Variants in ZNF569 observed in about 807,000 individuals in gnomAD.
ZNF569 encodes DNA-binding protein.
Under a neutral mutation model 56.3 loss-of-function variants are expected in ZNF569, and 38 were observed. The ratio of observed to expected loss-of-function variants is 0.68; its 90% CI spans 0.52 to 0.88. The LOEUF (loss-of-function observed/expected upper bound fraction) is 0.88. ZNF569 is among the 40% of genes least tolerant of loss of function. The pLI is 0.00. For synonymous variants in ZNF569, 241 were observed against 262.9 expected, an observed-to-expected ratio of 0.92 and a Z score of 0.81; for missense variants, 666 against 809.2, an observed-to-expected ratio of 0.82 and a Z score of 2.15.
intron 2 of ZNF569, among the ~76,000 whole-genome samples, chr19:37,449,819 A>G (rs2041563269): frequency 6.6e-6 from 1 of 152,082 alleles, no homozygotes; most frequent in Admixed American, 6.5e-5. Flanking sequence ...TCTTTTATTC[A>G]ATGTGATAAG....
chr19:37,459,845 C>T (rs1241110934), intron 2 of ZNF569, among the ~76,000 whole-genome samples: 3 of 152,020 alleles, frequency 2.0e-5, no homozygotes, highest in Admixed American at 2.0e-4. Context: ...TTGTAAAGTT[C>T]CTGCACTACA....
chr19:37,412,814 A>G lies in ZNF569; in HGVS notation c.1844T>C (p.Phe615Ser). The G allele has an allele frequency of 6.2e-7, 1 of 1,613,968 alleles. No individual in the cohort carries two copies. The highest frequency in any genetic ancestry group is 8.5e-7 in the Non-Finnish European group (1 of 1,179,946). The change falls in exon 6 of 6, where the codon TTC becomes TCC. Residue 615 changes from phenylalanine to serine, a missense_variant. Coordinates refer to ENST00000316950, the MANE Select transcript of ZNF569 (RefSeq NM_152484.3). ...PYECNKCGKA[F>S]SQSSSLTIHI... ...TATAGTAAGGGATGAGCTTTGGGAG[A>G]AGGCTTTTCCACATTTATTACATTC... is the stretch of plus-strand genomic sequence containing the variant.
chr19:37,435,534 C>G (rs1283786557), intron 3 of ZNF569, among the ~76,000 whole-genome samples: 1 of 152,024 alleles, frequency 6.6e-6, no homozygotes, highest in Non-Finnish European at 1.5e-5. Context: ...AATCAAAAGA[C>G]AGAGTGGCTG....
chr19:37,422,784 G>C (rs2041060234), intron 5 of ZNF569, among the ~76,000 whole-genome samples: 1 of 152,122 alleles, frequency 6.6e-6, no homozygotes, highest in Non-Finnish European at 1.5e-5. Context: ...GGGGGGAATA[G>C]AACTTTCACC....
At chr19:37,443,651 A>G (rs377033961) in intron 3 of ZNF569, among the ~76,000 whole-genome samples, 2 of 152,236 alleles carry the variant, frequency 1.3e-5, no homozygotes, top group East Asian at 3.9e-4. Flanking sequence ...AAAGATAATT[A>G]CATAGGGTCA....
intron 3 of ZNF569, among the ~76,000 whole-genome samples, chr19:37,430,598 T>C (rs1206144761): frequency 6.6e-6 from 1 of 151,378 alleles, no homozygotes; most frequent in Non-Finnish European, 1.5e-5. Flanking sequence ...AAAAAAACTA[T>C]CAGAGAGGAA....
At chr19:37,414,763 T>G (rs533763724) in intron 5 of ZNF569, among the ~76,000 whole-genome samples, 103 of 152,136 alleles carry the variant, frequency 6.8e-4, no homozygotes, top group Non-Finnish European at 1.3e-3. Context: ...AACAGGAAGC[T>G]AAAAAGTATA....
At chr19:37,458,667 C>T (rs2041711607) in intron 2 of ZNF569, among the ~76,000 whole-genome samples, 1 of 152,182 alleles carries the variant, frequency 6.6e-6, no homozygotes, top group Non-Finnish European at 1.5e-5. Flanking sequence ...ATGGCAGGGA[C>T]TGGTCATATG....
At chr19:37,466,986 T>A (rs2041852311) in intron 1 of ZNF569, 98 bp downstream of exon 1, 2 of 152,506 alleles carry the variant, frequency 1.3e-5, no homozygotes, top group Admixed American at 6.5e-5. Flanking sequence ...CCGCCCGGCG[T>A]CCTCCTCCAA....
intron 3 of ZNF569, among the ~76,000 whole-genome samples, chr19:37,440,612 A>G (rs2041388778): frequency 6.6e-6 from 1 of 152,240 alleles, no homozygotes; most frequent in African/African-American, 2.4e-5. Flanking sequence ...ATAAGTAAAA[A>G]CAAAGAATTC....
At chr19:37,468,376 G>A (rs1398323097), upstream of ZNF569, among the ~76,000 whole-genome samples, 1 of 152,090 alleles carries the variant, frequency 6.6e-6, no homozygotes, top group African/African-American at 2.4e-5. Context: ...GGCATGAGCC[G>A]CACGGGGCCG....
chr19:37,425,672 C>A (rs539833194), intron 5 of ZNF569, 196 bp downstream of exon 5: 53 of 469,414 alleles, frequency 1.1e-4, no homozygotes, highest in Admixed American at 6.9e-4. Flanking sequence ...ACTATGTTGC[C>A]CAGGCTGGTC....
chr19:37,451,798 C>T lies in ZNF569; in HGVS notation c.-43-6834G>A, dbSNP rs148737079. On this transcript the variant is annotated intron_variant, in intron 2 of 5. Transcript: ENST00000316950. The stretch of plus-strand genomic sequence containing the variant: ...TTGCATGGATCATCTTTTTCCATCC[C>T]GCACCTTCAGCCTATGTGTGCCGTT... 8.5e-5 allele frequency among the ~76,000 whole-genome samples: 13 copies of T among 152,230 alleles called. No homozygotes were observed. The East Asian group carries it at 1.9e-3, about 23-fold the overall frequency.
intron 2 of ZNF569, among the ~76,000 whole-genome samples, chr19:37,453,097 C>T (rs1645799682): frequency 6.6e-6 from 1 of 152,088 alleles, no homozygotes; most frequent in South Asian, 2.1e-4. Flanking sequence ...GATGTTGAAT[C>T]CTTCTAGTGA....
At chr19:37,424,601 G>A (rs895343528) in intron 5 of ZNF569, among the ~76,000 whole-genome samples, 7 of 151,566 alleles carry the variant, frequency 4.6e-5, no homozygotes, top group African/African-American at 1.5e-4. Flanking sequence ...ATCACTTGAG[G>A]TCAGGAGTTC....
At chr19:37,437,766 T>C (rs1004633558) in intron 3 of ZNF569, among the ~76,000 whole-genome samples, 1 of 151,932 alleles carries the variant, frequency 6.6e-6, no homozygotes, top group African/African-American at 2.4e-5. Context: ...AACCAAAGAA[T>C]TGAAAGATCT....
upstream of ZNF569, chr19:37,469,129 G>A: frequency 1.8e-6 from 2 of 1,099,818 alleles, no homozygotes; most frequent in Non-Finnish European, 2.2e-6. Context: ...GCTCGGAGCT[G>A]CAGGGAATCC....
In ZNF569 at chr19:37,421,060, G is replaced by A. The variant is rs548737854; in HGVS notation, c.238+4808C>T. On this transcript the variant is annotated intron_variant, in intron 5 of 5. Transcript: ENST00000316950. ...ATTTTCAAAGGAACTTTTTTTTCTC[G>A]TGAGCAGTAGGTATCAACAGTGGGC... Among the ~76,000 whole-genome samples the A allele has an allele frequency of 5.3e-5, 8 of 152,182 alleles. No individual in the cohort carries two copies. In the East Asian group the frequency reaches 9.7e-4, roughly 18 times the overall value.
intron 2 of ZNF569, among the ~76,000 whole-genome samples, chr19:37,451,902 A>C (rs1284792411): frequency 2.6e-5 from 4 of 152,094 alleles, no homozygotes; most frequent in African/African-American, 9.7e-5. Flanking sequence ...CTGTTTCTTG[A>C]TTGGGGAGTT....
Sources: allele counts gnomAD v4.1 joint callset (sites outside exome capture counted in the v4.1 genomes callset), GRCh38; gene constraint gnomAD v4.1.1; transcripts MANE v1.5; gene names NCBI Gene and HGNC (gene_info 2026-07-23, HGNC 2026-07-21).